Variants in CCM2 observed in about 807,000 individuals in gnomAD.
CCM2 encodes the protein CCM2 scaffold protein.
CCM2 carries 25 observed loss-of-function variants against 44.9 expected under a neutral mutation model. That is an observed-to-expected ratio of 0.56 (90% CI 0.41 to 0.78). The LOEUF is 0.78. Ranked by LOEUF, CCM2 falls within the 30% of genes least tolerant of loss-of-function variation. CCM2 has a pLI of 0.00. For missense variants in CCM2, 481 were observed against 580.6 expected (o/e 0.83, Z 1.76); for synonymous variants, 219 against 241.1 (o/e 0.91, Z 0.85).
intron 3 of CCM2, 31 bp downstream of exon 3, chr7:45,064,032 G>C (rs1798648500): frequency 6.8e-7 from 1 of 1,463,244 alleles, no homozygotes; most frequent in African/African-American, 1.4e-5. Context: ...CTGTGCACTA[G>C]CCCTCAGCCC....
intron 1 of CCM2, among the ~76,000 whole-genome samples, chr7:45,031,851 T>G (rs1006138365): frequency 6.6e-6 from 1 of 152,244 alleles, no homozygotes; most frequent in Middle Eastern, 3.4e-3. Flanking sequence ...GGATTACAGG[T>G]GTGAGCCACT....
chr7:45,036,891 A>T (rs897625571), intron 1 of CCM2, among the ~76,000 whole-genome samples: 1 of 152,104 alleles, frequency 6.6e-6, no homozygotes, highest in Admixed American at 6.6e-5. Context: ...CCATCTGTGC[A>T]CTGGGTCACC....
chr7:45,023,816 T>TG (rs1162094079), intron 1 of CCM2, among the ~76,000 whole-genome samples: 2 of 143,124 alleles, frequency 1.4e-5, no homozygotes, highest in African/African-American at 5.1e-5. Context: ...TTTTTTTTTT[T>TG]TTTTTTTTTA....
At chr7:45,063,850 G>A (rs1798638041) in intron 2 of CCM2, 68 bp from the exon 3 acceptor site, 4 of 1,065,448 alleles carry the variant, frequency 3.8e-6, no homozygotes, top group Non-Finnish European at 5.9e-6. Flanking sequence ...TGTGCTCTCG[G>A]TGGTAGTGAT....
intron 2 of CCM2, among the ~76,000 whole-genome samples, chr7:45,054,785 C>G (rs1216437046): frequency 6.6e-6 from 1 of 152,216 alleles, no homozygotes; most frequent in East Asian, 1.9e-4. Flanking sequence ...CTTGCTGGGA[C>G]AGTGGGTGTG....
rs1233338402 is a variant in CCM2, at chr7:45,040,302, T to G, written c.204+1876T>G. Among the ~76,000 whole-genome samples the G allele has an allele frequency of 1.2e-4, 18 of 151,958 alleles. No homozygotes were observed. In the East Asian group the frequency reaches 3.5e-3, roughly 29 times the overall value. On this transcript the variant is annotated intron_variant, in intron 2 of 9. Coordinates refer to ENST00000258781, the MANE Select transcript of CCM2 (RefSeq NM_031443.4). ...GGGAGGCTGACATAGGAGAATGGCG[T>G]GAACCCAGGAGGTGGAGCTTGCAGT...
chr7:45,070,263 A>G (rs879693730), intron 6 of CCM2: 42 of 416,144 alleles, frequency 1.0e-4, no homozygotes, highest in Non-Finnish European at 1.8e-4. Context: ...CTCGGAACAA[A>G]GAGCTTGGAG....
intron 1 of CCM2, among the ~76,000 whole-genome samples, chr7:45,010,624 T>A (rs1445257659): frequency 1.3e-5 from 2 of 151,944 alleles, no homozygotes; most frequent in Non-Finnish European, 2.9e-5. Flanking sequence ...TGAGATGGAG[T>A]TTTGCTCTTG....
intron 2 of CCM2, among the ~76,000 whole-genome samples, chr7:45,045,515 G>C (rs1233339572): frequency 6.6e-6 from 1 of 152,214 alleles, no homozygotes; most frequent in African/African-American, 2.4e-5. Flanking sequence ...AATGGGGCTG[G>C]GTGCGGTGGC....
intron 2 of CCM2, chr7:45,043,761 T>G (rs1797624084): frequency 2.5e-6 from 1 of 395,212 alleles, no homozygotes; most frequent in South Asian, 1.9e-5. Context: ...CCTTTCATTT[T>G]TCTCTCATTT....
intron 1 of CCM2, among the ~76,000 whole-genome samples, chr7:45,013,142 G>C (rs903657542): frequency 2.0e-5 from 3 of 151,082 alleles, no homozygotes; most frequent in African/African-American, 7.3e-5. Flanking sequence ...TCTATATATT[G>C]CTATATATAT....
At position 45,048,778 on chromosome 7, in the gene CCM2, T is replaced by C. The variant is rs144094041; in HGVS notation, c.204+10352T>C. ...CTGTCTAAAAAAAAAAAAAAATTCT[T>C]TCTGTAGTTTCCATCACAAGCTGAC... On this transcript the variant is annotated intron_variant, in intron 2 of 9. Coordinates refer to ENST00000258781, the MANE Select transcript of CCM2 (RefSeq NM_031443.4). Among the ~76,000 whole-genome samples the C allele has an allele frequency of 1.0e-2, 1,514 of 152,118 alleles. 29 individuals are homozygous for C. Among genetic ancestry groups the C allele is most frequent in the African/African-American group, 0.035 (1,447 of 41,488 alleles).
At chr7:45,033,306 T>C (rs544637656) in intron 1 of CCM2, among the ~76,000 whole-genome samples, 40 of 152,256 alleles carry the variant, frequency 2.6e-4, no homozygotes, top group African/African-American at 9.4e-4. Context: ...AGACTATAAT[T>C]TTATGACCTG....
chr7:45,048,041 G>C (rs1359128018), intron 2 of CCM2, among the ~76,000 whole-genome samples: 1 of 152,030 alleles, frequency 6.6e-6, no homozygotes, highest in African/African-American at 2.4e-5. Context: ...GAGAGGGAAA[G>C]TGGGAATGGT....
intron 2 of CCM2, among the ~76,000 whole-genome samples, chr7:45,061,910 T>G (rs1798544258): frequency 6.6e-6 from 1 of 152,162 alleles, no homozygotes; most frequent in Admixed American, 6.5e-5. Context: ...TATGGGGACC[T>G]CCCCAGTGAC....
Position 45,069,828 on chromosome 7 carries a change from C to T in CCM2, c.612C>T (p.Val204=), listed in dbSNP as rs181474100. The change falls in exon 6 of 10, where the codon GTC becomes GTT. Residue 204 remains valine (V), a splice_region_variant and synonymous_variant. Transcript: ENST00000258781. ...CLVILAAESK[V]AAEELCCLLG... is the part of the protein sequence containing the mutation. ...GCAGCTGCTGTCCCCCACTGCAGGT[C>T]GCTGCGGAGGAGCTTTGCTGTCTGC... 57 of 1,614,098 alleles carry T rather than the reference C, an allele frequency of 3.5e-5. No homozygotes were observed. The East Asian group carries it at 4.5e-4, about 13-fold the overall frequency.
intron 2 of CCM2, among the ~76,000 whole-genome samples, chr7:45,048,870 C>T (rs1797875431): frequency 6.6e-6 from 1 of 152,192 alleles, no homozygotes; most frequent in African/African-American, 2.4e-5. Flanking sequence ...TATGAATGGA[C>T]TCATAGCAGG....
rs372739455 is a variant in CCM2, at chr7:45,074,274, G to T, written c.920G>T (p.Arg307Leu). 1 of 1,613,542 alleles carries T rather than the reference G, an allele frequency of 6.2e-7. No individual in the cohort carries two copies. The highest frequency in any genetic ancestry group is 1.1e-5 in the South Asian group (1 of 91,086). The change falls in exon 9 of 10, where the codon CGC becomes CTC. Residue 307 changes from arginine (R) to leucine (L), a missense_variant. Transcript: ENST00000258781. ...TCTGGCTCTGCTCTCTTGCAGCTGCGCACCAAGCTGTCATCACAGGAGATC... is the reference window on the plus strand; with the variant it reads ...TCTGGCTCTGCTCTCTTGCAGCTGCTCACCAAGCTGTCATCACAGGAGATC... ...ELLQDYMLTL[R>L]TKLSSQEIQQ...
chr7:45,025,800 C>G (rs1188073774), intron 1 of CCM2, among the ~76,000 whole-genome samples: 2 of 152,234 alleles, frequency 1.3e-5, no homozygotes, highest in African/African-American at 4.8e-5. Context: ...TTCCAAAACG[C>G]TGGGATTACA....
Sources: gnomAD v4.1 joint callset for allele counts (sites outside exome capture counted in the v4.1 genomes callset) on GRCh38, gnomAD v4.1.1 for gene constraint, MANE v1.5 for transcripts, NCBI Gene and HGNC (gene_info 2026-07-23, HGNC 2026-07-21) for gene names.